CLOCK: variants seen among roughly 807,000 people sequenced by gnomAD.
The protein encoded by CLOCK is clock circadian regulator.
In CLOCK, 43 loss-of-function variants were observed where a neutral mutation model predicts 118.4. That is an observed-to-expected ratio of 0.36 (90% CI 0.28 to 0.47). The LOEUF is 0.47. CLOCK is among the 20% of genes least tolerant of loss of function. The pLI is 1.00. For missense variants in CLOCK, 846 were observed against 999.9 expected (o/e 0.85, Z 2.08); for synonymous variants, 326 against 339.2 (o/e 0.96, Z 0.43).
At chr4:55,513,446 T>C (rs1278970111) in intron 1 of CLOCK, among the ~76,000 whole-genome samples, 1 of 152,152 alleles carries the variant, frequency 6.6e-6, no homozygotes, top group Non-Finnish European at 1.5e-5. Context: ...AAGTGACACA[T>C]GACTGTACTG....
chr4:55,518,172 G>T (rs1010396663), intron 1 of CLOCK, among the ~76,000 whole-genome samples: 2 of 152,172 alleles, frequency 1.3e-5, no homozygotes, highest in Non-Finnish European at 2.9e-5. Context: ...CTGACACTTA[G>T]GGAAGGGAGG....
At chr4:55,461,135 C>G (rs1384893545) in intron 9 of CLOCK, among the ~76,000 whole-genome samples, 1 of 152,052 alleles carries the variant, frequency 6.6e-6, no homozygotes. Context: ...ACCATGTTGC[C>G]CATGCTGGTC....
chr4:55,506,014 C>G (rs1316750121), intron 2 of CLOCK, among the ~76,000 whole-genome samples: 2 of 151,988 alleles, frequency 1.3e-5, no homozygotes, highest in African/African-American at 4.8e-5. Flanking sequence ...TAGTTACCAA[C>G]TTCAGGAAAC....
chr4:55,523,939 T>C (rs1560476886), intron 1 of CLOCK, among the ~76,000 whole-genome samples: 1 of 152,304 alleles, frequency 6.6e-6, no homozygotes, highest in East Asian at 1.9e-4. Context: ...CCAACAACTT[T>C]TTTCTTTTTA....
intron 7 of CLOCK, 45 bp downstream of exon 7, chr4:55,475,918 T>G (rs1044215022): frequency 7.2e-7 from 1 of 1,389,942 alleles, no homozygotes; most frequent in Non-Finnish European, 1.0e-6. Flanking sequence ...CTGTGATTTC[T>G]TTTTTGAGGA....
At chr4:55,449,276 T>C in intron 17 of CLOCK, 120 bp downstream of exon 17, 1 of 874,894 alleles carries the variant, frequency 1.1e-6, no homozygotes. Context: ...GTGTCACATA[T>C]CAGTAACTAT....
chr4:55,501,913 A>G (rs932863564), intron 2 of CLOCK, among the ~76,000 whole-genome samples: 2 of 152,188 alleles, frequency 1.3e-5, no homozygotes, highest in Non-Finnish European at 2.9e-5. Flanking sequence ...GTACTGTATC[A>G]TTCCATCTGT....
At chr4:55,542,762 T>C (rs1731366170) in intron 1 of CLOCK, among the ~76,000 whole-genome samples, 2 of 152,068 alleles carry the variant, frequency 1.3e-5, no homozygotes, top group African/African-American at 4.8e-5. Context: ...ACAGTCTGCT[T>C]AGGTTCACTT....
Position 55,459,152 on chromosome 4 carries a change from G to A in CLOCK, c.669C>T (p.Asn223=). The change falls in exon 10 of 23, where the codon AAC becomes AAT. Residue 223 remains asparagine, a synonymous_variant. Transcript: ENST00000513440. ...VKFIGNFKSL[N]SVSSSAHNGF... ...GAGAGAAGCATTTTAACTCACCACT[G>A]TTTAAAGATTTGAAATTTCCTATAA... 6.4e-7 allele frequency: 1 copy of A among 1,570,446 alleles called. No individual in the cohort carries two copies. The highest frequency in any genetic ancestry group is 8.8e-7 in the Non-Finnish European group (1 of 1,140,270).
At chr4:55,477,535 T>C (rs759345741) in intron 6 of CLOCK, among the ~76,000 whole-genome samples, 1 of 151,930 alleles carries the variant, frequency 6.6e-6, no homozygotes, top group Non-Finnish European at 1.5e-5. Context: ...GATGGTGGTA[T>C]AAAAATGAAA....
At position 55,455,846 on chromosome 4, in the gene CLOCK, C is replaced by T. The variant is rs752535999; in HGVS notation, c.982+51G>A. The T allele has an allele frequency of 8.2e-6, 10 of 1,215,982 alleles. No individual in the cohort carries two copies. The East Asian group carries it at 2.3e-4, about 28-fold the overall frequency. The allele number at this position is 1,215,982 out of a possible 1,614,324, so 75.3% of individuals were successfully genotyped here. ...TACTACCTATCATTTCAGGACAGGA[C>T]TTCTGCTTATAAAACAGTTATTATC... On this transcript the variant is annotated intron_variant, in intron 13 of 22. Transcript: ENST00000513440.
At chr4:55,503,727 T>C (rs979259750) in intron 2 of CLOCK, among the ~76,000 whole-genome samples, 1 of 152,034 alleles carries the variant, frequency 6.6e-6, no homozygotes, top group Non-Finnish European at 1.5e-5. Flanking sequence ...GCCTGCCTCT[T>C]TGTGGGTACT....
intron 3 of CLOCK, among the ~76,000 whole-genome samples, chr4:55,487,601 T>G (rs1018432390): frequency 6.6e-6 from 1 of 152,152 alleles, no homozygotes; most frequent in African/African-American, 2.4e-5. Flanking sequence ...GGAATAAATC[T>G]CCAGACTTCT....
chr4:55,478,908 T>C lies in CLOCK; in HGVS notation c.163A>G (p.Lys55Glu). The change falls in exon 6 of 23, where the codon AAA becomes GAA. Residue 55 changes from lysine (K) to glutamate (E), a missense_variant. Transcript: ENST00000513440. ...KRRDQFNVLI[K>E]ELGSMLPGNA... is the part of the protein sequence containing the mutation. ...CCAGGAAGCATGGATCCCAGTTCTT[T>C]AATGAGAACATTAAATTGATCTCTA... The C allele has an allele frequency of 6.2e-7, 1 of 1,608,940 alleles. No individual in the cohort carries two copies. Among genetic ancestry groups the C allele is most frequent in the African/African-American group, 1.3e-5 (1 of 74,974 alleles).
At chr4:55,456,533 G>A (rs1724934489) in intron 11 of CLOCK, among the ~76,000 whole-genome samples, 1 of 152,048 alleles carries the variant, frequency 6.6e-6, no homozygotes, top group Non-Finnish European at 1.5e-5. Flanking sequence ...ACGGTGGCGG[G>A]CACCTGTAAT....
intron 18 of CLOCK, among the ~76,000 whole-genome samples, chr4:55,447,077 A>G (rs28376882): frequency 0.016 from 2,355 of 151,532 alleles, 65 homozygotes; most frequent in African/African-American, 0.055. Context: ...TCAAAATGTT[A>G]TAATTATGGC....
intron 7 of CLOCK, among the ~76,000 whole-genome samples, chr4:55,474,995 A>AT (rs1483277675): frequency 4.6e-5 from 7 of 152,186 alleles, no homozygotes; most frequent in Admixed American, 3.9e-4. Flanking sequence ...TATTTAAGAA[A>AT]TACACTTCAT....
intron 15 of CLOCK, among the ~76,000 whole-genome samples, chr4:55,450,700 C>T (rs1002071526): frequency 2.0e-5 from 3 of 151,356 alleles, no homozygotes; most frequent in South Asian, 2.1e-4. Flanking sequence ...ACTGAGGAGG[C>T]GGAGGATGTA....
chr4:55,476,837 G>A (rs1487384956), intron 6 of CLOCK, among the ~76,000 whole-genome samples: 2 of 151,910 alleles, frequency 1.3e-5, no homozygotes, highest in African/African-American at 4.8e-5. Flanking sequence ...AAAACAAGCA[G>A]GCAGAATAAA....
Sources: gnomAD v4.1 joint callset for allele counts (sites outside exome capture counted in the v4.1 genomes callset) on GRCh38, gnomAD v4.1.1 for gene constraint, MANE v1.5 for transcripts, NCBI Gene and HGNC (gene_info 2026-07-23, HGNC 2026-07-21) for gene names.